The following RBM27 variants were observed in gnomAD, a reference collection of about 807,000 sequenced individuals.
RBM27 encodes RNA binding motif protein 27.
A neutral mutation model predicts 135.3 loss-of-function variants in RBM27; 22 were observed. The observed-to-expected ratio is 0.16, with a 90% confidence interval of 0.12 to 0.23. RBM27 has a LOEUF of 0.23. Ranked by LOEUF, RBM27 falls within the 10% of genes least tolerant of loss-of-function variation. RBM27 has a pLI of 1.00. For missense variants in RBM27, 1,009 were observed against 1,281.0 expected (o/e 0.79, Z 3.24); for synonymous variants, 481 against 442.4 (o/e 1.09, Z -1.10).
chr5:146,208,713 T>G (rs576287640), intron 1 of RBM27, among the ~76,000 whole-genome samples: 31 of 152,306 alleles, frequency 2.0e-4, no homozygotes, highest in Non-Finnish European at 4.3e-4. Context: ...TAAAGTAAGG[T>G]TCTGCTAAAT....
chr5:146,253,205 T>C lies in RBM27; in HGVS notation c.1444+1330T>C, dbSNP rs185156772. Among the ~76,000 whole-genome samples the C allele has an allele frequency of 3.2e-3, 488 of 151,860 alleles. 4 individuals carry two copies. Among genetic ancestry groups the C allele is most frequent in the African/African-American group, 0.011 (470 of 41,418 alleles). On this transcript the variant is annotated intron_variant, in intron 9 of 20. Coordinates refer to ENST00000265271, the MANE Select transcript of RBM27 (RefSeq NM_018989.2). Reference sequence around the variant, plus strand: ...TAGAGACGGGGTTTTGCCATGTTGGTCAGGCTGGTCTCGAACTCCTGACCT... The same window carrying C: ...TAGAGACGGGGTTTTGCCATGTTGGCCAGGCTGGTCTCGAACTCCTGACCT...
At chr5:146,211,142 T>C (rs1755923408) in intron 1 of RBM27, among the ~76,000 whole-genome samples, 1 of 151,924 alleles carries the variant, frequency 6.6e-6, no homozygotes. Context: ...TAGTCAGGCA[T>C]GGTGGTTCAC....
rs755404637 is a variant in RBM27 at position 146,233,634 on chromosome 5, A to G, written c.1035A>G (p.Pro345=). 3.1e-6 allele frequency: 5 copies of G among 1,598,694 alleles called. No individual in the cohort carries two copies. In the African/African-American group the frequency reaches 4.1e-5, roughly 13 times the overall value. ...PMPGPGPGPG[P]GPGPGPGPGP... is the part of the protein sequence containing the mutation. ...CAGGTCCAGGCCCAGGCCCGGGCCC[A>G]GGTCCAGGCCCAGGCCCGGGCCCAG... Residue 345 remains proline (P), a synonymous_variant, in exon 7 of 21, where the codon CCA becomes CCG. Transcript: ENST00000265271.
At chr5:146,226,824 T>C (rs1262130557) in intron 3 of RBM27, among the ~76,000 whole-genome samples, 1 of 152,250 alleles carries the variant, frequency 6.6e-6, no homozygotes, top group African/African-American at 2.4e-5. Flanking sequence ...CTGACAGCTT[T>C]CCGGCGTTTC....
chr5:146,222,833 A>G (rs989277092), intron 2 of RBM27, among the ~76,000 whole-genome samples: 3 of 152,246 alleles, frequency 2.0e-5, no homozygotes, highest in African/African-American at 7.2e-5. Flanking sequence ...TGTCATTTTC[A>G]TATCAGTAAA....
Position 146,203,622 on chromosome 5 carries a change from G to T in RBM27, c.-144G>T. On this transcript the variant is annotated 5_prime_UTR_variant, in exon 1 of 21. Coordinates refer to ENST00000265271, the MANE Select transcript of RBM27 (RefSeq NM_018989.2). ...CTTGGGTTAGTTCCTGTTAGGCCCC[G>T]GCCGGGGGAGTAGGTTGAAGTCTCC... 1.4e-6 allele frequency: 1 copy of T among 719,754 alleles called. No homozygotes were observed. Among genetic ancestry groups the T allele is most frequent in the South Asian group, 1.8e-5 (1 of 56,874 alleles). 44.6% of individuals were successfully genotyped at this position (719,754 alleles called of 1,614,324 possible). A position where few individuals can be genotyped will look rare whatever the true frequency, so the allele number is the denominator to read the frequency against.
chr5:146,242,416 G>A (rs1757442654), intron 8 of RBM27, among the ~76,000 whole-genome samples: 2 of 152,220 alleles, frequency 1.3e-5, no homozygotes, highest in African/African-American at 4.8e-5. Flanking sequence ...TATTTTGAAA[G>A]TTATAGAATA....
chr5:146,240,196 T>G (rs925829272), intron 8 of RBM27, among the ~76,000 whole-genome samples: 1 of 151,686 alleles, frequency 6.6e-6, no homozygotes, highest in Non-Finnish European at 1.5e-5. Context: ...ATGGCTCAAC[T>G]TTCCCCCCCA....
At chr5:146,238,773 G>A (rs1414142940) in intron 8 of RBM27, among the ~76,000 whole-genome samples, 2 of 150,558 alleles carry the variant, frequency 1.3e-5, no homozygotes, top group African/African-American at 4.9e-5. Context: ...TCTCTTTGAT[G>A]TCTTGGAGAG....
intron 14 of RBM27, among the ~76,000 whole-genome samples, chr5:146,264,883 A>G (rs78436683): frequency 1.3e-5 from 2 of 152,278 alleles, no homozygotes; most frequent in Admixed American, 1.3e-4. Context: ...TAGTATTGGG[A>G]TGACTGGATA....
At chr5:146,204,311 C>T (rs1245916811) in intron 1 of RBM27, among the ~76,000 whole-genome samples, 1 of 152,046 alleles carries the variant, frequency 6.6e-6, no homozygotes, top group African/African-American at 2.4e-5. Context: ...AAGCGGATAG[C>T]AGGGACATTG....
intron 5 of RBM27, 53 bp downstream of exon 5, chr5:146,229,963 T>A: frequency 1.3e-6 from 2 of 1,587,146 alleles, no homozygotes; most frequent in Admixed American, 1.7e-5. Context: ...TCTGTCTCTA[T>A]CACAGGGGTG....
At chr5:146,242,841 T>C (rs1459569405) in intron 8 of RBM27, among the ~76,000 whole-genome samples, 2 of 152,024 alleles carry the variant, frequency 1.3e-5, no homozygotes, top group African/African-American at 4.8e-5. Context: ...CAGGTGATCC[T>C]TCCGACTCAG....
intron 10 of RBM27, among the ~76,000 whole-genome samples, chr5:146,257,812 T>G (rs560567307): frequency 4.1e-4 from 62 of 149,644 alleles, no homozygotes; most frequent in African/African-American, 1.4e-3. Context: ...TTGTTTTTGT[T>G]TTTTTTTTTT....
rs527510662 is a variant in RBM27 at position 146,255,833 on chromosome 5, CCTTT to C, written c.1594+746_1594+749del. Among the ~76,000 whole-genome samples, 412 of 151,592 alleles carry C rather than the reference CCTTT, an allele frequency of 2.7e-3. 2 individuals are homozygous for C. Among genetic ancestry groups the C allele is most frequent in the Middle Eastern group, 0.01 (3 of 290 alleles). On this transcript the variant is annotated intron_variant, in intron 10 of 20. Transcript: ENST00000265271. ...ATCTGGCAAACATTTTCCTTTTCTTCCTTTCTTTTCCTTTTTTTCTTCTTCTTCT... is the reference window on the plus strand; with the variant it reads ...ATCTGGCAAACATTTTCCTTTTCTTCCTTTTCCTTTTTTTCTTCTTCTTCT...
At chr5:146,259,350 C>G (rs1758261692) in intron 11 of RBM27, among the ~76,000 whole-genome samples, 1 of 151,064 alleles carries the variant, frequency 6.6e-6, no homozygotes, top group East Asian at 2.0e-4. Context: ...AGCCAAAATA[C>G]AAAATTAGCC....
chr5:146,284,759 T>G (rs757117926), intron 20 of RBM27, 27 bp downstream of exon 20: 1 of 1,291,370 alleles, frequency 7.7e-7, no homozygotes, highest in Non-Finnish European at 1.1e-6. Context: ...GAAATAAGAG[T>G]TGAATTAGAT....
intron 8 of RBM27, among the ~76,000 whole-genome samples, chr5:146,238,369 G>A (rs983961537): frequency 2.0e-5 from 3 of 152,130 alleles, no homozygotes; most frequent in Non-Finnish European, 4.4e-5. Context: ...TTAGCTGGGC[G>A]TTGTGGAGCA....
At chr5:146,253,774 G>T (rs756204858) in intron 9 of RBM27, among the ~76,000 whole-genome samples, 18 of 152,164 alleles carry the variant, frequency 1.2e-4, no homozygotes, top group Admixed American at 2.0e-4. Context: ...TAATCTAAGA[G>T]TATTGGGGGT....
Sources: allele counts gnomAD v4.1 joint callset (sites outside exome capture counted in the v4.1 genomes callset), GRCh38; gene constraint gnomAD v4.1.1; transcripts MANE v1.5; gene names NCBI Gene and HGNC (gene_info 2026-07-23, HGNC 2026-07-21).